Variants in FANCC observed in about 807,000 individuals in gnomAD.
FANCC encodes Fanconi anemia group C protein.
A neutral mutation model predicts 71.3 loss-of-function variants in FANCC; 55 were observed. The observed-to-expected ratio is 0.77, with a 90% CI of 0.62 to 0.97. FANCC has a LOEUF of 0.97. FANCC is among the 50% of genes least tolerant of loss of function. FANCC has a pLI of 0.00. For missense variants in FANCC, 678 were observed against 670.9 expected, an observed-to-expected ratio of 1.01 and a Z score of -0.12; for synonymous variants, 275 against 244.9, an observed-to-expected ratio of 1.12 and a Z score of -1.15.
At chr9:95,306,190 T>C (rs1268536114) in intron 1 of FANCC, among the ~76,000 whole-genome samples, 2 of 152,202 alleles carry the variant, frequency 1.3e-5, no homozygotes, top group Non-Finnish European at 2.9e-5. Context: ...TTTTATGGTA[T>C]TGGTTACAGA....
chr9:95,145,220 C>T (rs957336282), intron 7 of FANCC: 3 of 152,190 alleles, frequency 2.0e-5, no homozygotes, highest in South Asian at 2.1e-4. Flanking sequence ...GTTTTCCAAA[C>T]GCAACAAACA....
chr9:95,113,175 C>A (rs1233981784), intron 12 of FANCC, among the ~76,000 whole-genome samples: 4 of 152,172 alleles, frequency 2.6e-5, no homozygotes, highest in African/African-American at 7.2e-5. Flanking sequence ...TGGCTGCAGG[C>A]CTTTTTTGTC....
chr9:95,293,731 C>T, intron 1 of FANCC: 1 of 1,613,628 alleles, frequency 6.2e-7, no homozygotes, highest in African/African-American at 1.3e-5. Context: ...ACATTTTTGC[C>T]CAGCTCTAAG....
At position 95,100,488 on chromosome 9, in the gene FANCC, C is replaced by A. The variant is rs1159912221; in HGVS notation, c.*1219G>T. ...AAGACTCAGACTAATACACACAAATCAAAATGGACAAAAGCAAGTCTTGAC... is the reference window on the plus strand; with the variant it reads ...AAGACTCAGACTAATACACACAAATAAAAATGGACAAAAGCAAGTCTTGAC... On this transcript the variant is annotated 3_prime_UTR_variant, in exon 15 of 15. Transcript: ENST00000289081. The A allele has an allele frequency of 4.3e-6, 1 of 231,884 alleles. No homozygotes were observed. The highest frequency in any genetic ancestry group is 2.2e-5 in the African/African-American group (1 of 45,276). 14.4% of individuals were successfully genotyped at this position (231,884 alleles called of 1,614,324 possible).
chr9:95,311,685 T>G (rs1405391940), intron 1 of FANCC, among the ~76,000 whole-genome samples: 1 of 150,596 alleles, frequency 6.6e-6, no homozygotes, highest in Non-Finnish European at 1.5e-5. Flanking sequence ...CAAATTCATA[T>G]TGTTTAAATA....
intron 12 of FANCC, chr9:95,114,423 T>C (rs778912496): frequency 3.1e-6 from 2 of 655,476 alleles, no homozygotes; most frequent in Non-Finnish European, 5.6e-6. Context: ...CATGCATACA[T>C]GCGCATGCCT....
chr9:95,123,291 A>G (rs533273167), intron 10 of FANCC: 84 of 293,636 alleles, frequency 2.9e-4, no homozygotes, highest in South Asian at 9.5e-4. Flanking sequence ...GTGGCAGAGT[A>G]AGAGCCTGTC....
At chr9:95,242,454 T>C (rs1830685522) in intron 3 of FANCC, among the ~76,000 whole-genome samples, 1 of 146,278 alleles carries the variant, frequency 6.8e-6, no homozygotes, top group South Asian at 2.2e-4. Context: ...ATGGAGAGCA[T>C]TTCCAAAAAC....
At chr9:95,200,058 A>G (rs1827709905) in intron 4 of FANCC, among the ~76,000 whole-genome samples, 1 of 152,102 alleles carries the variant, frequency 6.6e-6, no homozygotes, top group Non-Finnish European at 1.5e-5. Context: ...CAGAGGATAA[A>G]CCTCTCATTT....
intron 4 of FANCC, chr9:95,186,413 T>G (rs1485534634): frequency 6.6e-6 from 1 of 152,282 alleles, no homozygotes; most frequent in Non-Finnish European, 1.5e-5. Context: ...CCCCAGACAT[T>G]GCTCAAATCC....
At chr9:95,169,800 GA>G (rs1190175531) in intron 6 of FANCC, among the ~76,000 whole-genome samples, 12 of 152,114 alleles carry the variant, frequency 7.9e-5, no homozygotes, top group African/African-American at 2.7e-4. Context: ...TAAGGTCTAG[GA>G]CTTCCTATTC....
chr9:95,249,092 A>G, intron 2 of FANCC, 35 bp downstream of exon 2: 1 of 1,607,590 alleles, frequency 6.2e-7, no homozygotes, highest in Non-Finnish European at 8.5e-7. Context: ...CCCTGAAGTC[A>G]GAAAATAATT....
chr9:95,271,643 C>T lies in FANCC; in HGVS notation c.-78-22274G>A, dbSNP rs78243992. ...TTGTAGTAATTTGCTATAACAGCTTCGGGAAACTAATATCGCATCCTGCAA... is the reference window on the plus strand; with the variant it reads ...TTGTAGTAATTTGCTATAACAGCTTTGGGAAACTAATATCGCATCCTGCAA... On this transcript the variant is annotated intron_variant, in intron 1 of 14. Coordinates refer to ENST00000289081, the MANE Select transcript of FANCC (RefSeq NM_000136.3). Among the ~76,000 whole-genome samples the T allele has an allele frequency of 3.4e-3, 510 of 152,128 alleles. 9 individuals are homozygous for T. The East Asian group carries it at 0.044, about 13-fold the overall frequency.
Position 95,126,559 on chromosome 9 carries a change from G to A in FANCC, c.866C>T (p.Ala289Val), listed in dbSNP as rs777732881. Residue 289 changes from alanine to valine, a missense_variant, in exon 9 of 15, where the codon GCC becomes GTC. Physicochemically the swap from Ala to Val is moderately conservative, Grantham distance 64. Coordinates refer to ENST00000289081, the MANE Select transcript of FANCC (RefSeq NM_000136.3). ...SSLPQAACHP[A>V]IFRVVDEMFR... ...CATCTCATCAACAACCCGGAATATG[G>A]CAGGGTGGCAGGCTGCTTGAGGCTG... The A allele has an allele frequency of 1.2e-6, 2 of 1,614,046 alleles. No homozygotes were observed. Among genetic ancestry groups the A allele is most frequent in the Non-Finnish European group, 1.7e-6 (2 of 1,179,952 alleles).
intron 7 of FANCC, among the ~76,000 whole-genome samples, chr9:95,143,854 T>C (rs1829125078): frequency 6.6e-6 from 1 of 152,128 alleles, no homozygotes; most frequent in Non-Finnish European, 1.5e-5. Context: ...GGGACAGACA[T>C]GAAAAGTTGA....
intron 4 of FANCC, among the ~76,000 whole-genome samples, chr9:95,228,280 A>C (rs1829756029): frequency 6.6e-6 from 1 of 152,132 alleles, no homozygotes; most frequent in Non-Finnish European, 1.5e-5. Flanking sequence ...ATTGCCTCAC[A>C]CCATTAATTT....
intron 1 of FANCC, among the ~76,000 whole-genome samples, chr9:95,270,605 G>A (rs560422244): frequency 2.6e-5 from 4 of 152,214 alleles, no homozygotes; most frequent in African/African-American, 7.2e-5. Context: ...GGCAGCAGTC[G>A]CAGGGAGGAT....
intron 4 of FANCC, among the ~76,000 whole-genome samples, chr9:95,189,914 T>C (rs1389233998): frequency 2.0e-5 from 3 of 152,178 alleles, no homozygotes; most frequent in African/African-American, 7.2e-5. Flanking sequence ...TTGGCTTGGA[T>C]TTCTGACCAC....
At chr9:95,126,282 CTAT>C (rs1375471670) in intron 9 of FANCC, among the ~76,000 whole-genome samples, 2 of 151,928 alleles carry the variant, frequency 1.3e-5, no homozygotes, top group African/African-American at 4.9e-5. Context: ...TTCTGTGTTT[CTAT>C]TATTAGAATC....
Sources: gnomAD v4.1 joint callset for allele counts (sites outside exome capture counted in the v4.1 genomes callset) on GRCh38, gnomAD v4.1.1 for gene constraint, MANE v1.5 for transcripts, NCBI Gene and HGNC (gene_info 2026-07-23, HGNC 2026-07-21) for gene names.